Variants in GATA6 observed in about 807,000 individuals in gnomAD.
GATA6 encodes transcription factor GATA-6.
A neutral mutation model predicts 48.1 loss-of-function variants in GATA6; 11 were observed. The observed-to-expected ratio is 0.23, with a 90% CI of 0.14 to 0.38. The LOEUF (loss-of-function observed/expected upper bound fraction) is 0.38. GATA6 is among the 10% of genes least tolerant of loss of function. The pLI is 1.00. For missense variants in GATA6, 795 were observed against 850.3 expected, an observed-to-expected ratio of 0.93 and a Z score of 0.81; for synonymous variants, 419 against 396.1, an observed-to-expected ratio of 1.06 and a Z score of -0.69.
At position 22,201,097 on chromosome 18, in the gene GATA6, G is replaced by A; in HGVS notation, c.*274G>A. On this transcript the variant is annotated 3_prime_UTR_variant, in exon 7 of 7. Coordinates refer to ENST00000269216, the MANE Select transcript of GATA6 (RefSeq NM_005257.6). Reference sequence around the variant, plus strand: ...TTCCAGAAGCCAGGACTAGGACCTGGGCCTTGCCTGCTATGGAATATTGAG... The same window carrying A: ...TTCCAGAAGCCAGGACTAGGACCTGAGCCTTGCCTGCTATGGAATATTGAG... 1.9e-6 allele frequency: 1 copy of A among 521,066 alleles called. No individual in the cohort carries two copies. Among genetic ancestry groups the A allele is most frequent in the Non-Finnish European group, 3.4e-6 (1 of 291,630 alleles). The allele number at this position is 521,066 out of a possible 1,614,324, so 32.3% of individuals were successfully genotyped here.
chr18:22,194,547 G>T (rs2143330665), intron 6 of GATA6, among the ~76,000 whole-genome samples: 1 of 152,310 alleles, frequency 6.6e-6, no homozygotes, highest in African/African-American at 2.4e-5. Flanking sequence ...TGAAGTGCCT[G>T]CTTTTGCAGG....
chr18:22,199,763 T>G (rs1181501066), intron 6 of GATA6, among the ~76,000 whole-genome samples: 1 of 151,270 alleles, frequency 6.6e-6, no homozygotes, highest in Non-Finnish European at 1.5e-5. Context: ...ATTAGCCAGG[T>G]GTGGTGGTGC....
In GATA6 at chr18:22,172,010, G is replaced by A. The variant is rs2033058319; in HGVS notation, c.866G>A (p.Gly289Asp). 8.1e-7 allele frequency: 1 copy of A among 1,238,986 alleles called. No individual in the cohort carries two copies. Among genetic ancestry groups the A allele is most frequent in the African/African-American group, 1.6e-5 (1 of 64,234 alleles). The allele number at this position is 1,238,986 out of a possible 1,614,324, so 76.7% of individuals were successfully genotyped here. The change falls in exon 2 of 7, where the codon GGC becomes GAC. Residue 289 changes from glycine (G) to aspartate (D), a missense_variant. Physicochemically the swap from Gly to Asp is moderately conservative, Grantham distance 94. This residue lies in a region of GATA6 where 591 missense variants were observed against 570.0 expected (regional missense o/e 1.04). Coordinates refer to ENST00000269216, the MANE Select transcript of GATA6 (RefSeq NM_005257.6). The surrounding 1 kb of genome is among the most constrained non-coding windows in gnomAD (Gnocchi z 5.2). ...GGCTACGCGGCGGCGGGCAGTGGGGGCGCGGGAGGCGTGAGCGGCGGCGGC... is the reference window on the plus strand; with the variant it reads ...GGCTACGCGGCGGCGGGCAGTGGGGACGCGGGAGGCGTGAGCGGCGGCGGC... ...PGGYAAAGSGGAGGVSGGGSS... is the reference protein window; with the variant it reads ...PGGYAAAGSGDAGGVSGGGSS...
rs2033455266 is a variant in GATA6, at chr18:22,200,958, GT to G, written c.*140del. ...CTCGTGCCTTTATTTTGAAAGAGAT[GT>G]TTTTCCCAAGAGGCTTGCTGAAAGA... On this transcript the variant is annotated 3_prime_UTR_variant, in exon 7 of 7. Coordinates refer to ENST00000269216, the MANE Select transcript of GATA6 (RefSeq NM_005257.6). 2 of 1,039,090 alleles carry G rather than the reference GT, an allele frequency of 1.9e-6. No homozygotes were observed. Among genetic ancestry groups the G allele is most frequent in the Admixed American group, 4.8e-5 (2 of 41,814 alleles). 64.4% of individuals were successfully genotyped at this position (1,039,090 alleles called of 1,614,324 possible). A position where few individuals can be genotyped will look rare whatever the true frequency, so the allele number is the denominator to read the frequency against.
intron 2 of GATA6, among the ~76,000 whole-genome samples, chr18:22,175,086 G>C (rs2033103557): frequency 6.6e-6 from 1 of 152,056 alleles, no homozygotes; most frequent in Admixed American, 6.5e-5. Flanking sequence ...GTTGAAAAGG[G>C]GGAACTTGGT....
chr18:22,193,482 G>A (rs967810283), intron 6 of GATA6, among the ~76,000 whole-genome samples: 2 of 152,228 alleles, frequency 1.3e-5, no homozygotes, highest in South Asian at 4.1e-4. Flanking sequence ...AAGCACCACA[G>A]GAGTCTAACC....
At chr18:22,178,363 A>G (rs926442226) in intron 3 of GATA6, among the ~76,000 whole-genome samples, 4 of 152,186 alleles carry the variant, frequency 2.6e-5, no homozygotes, top group Non-Finnish European at 5.9e-5. Flanking sequence ...TACCGCTGTA[A>G]TAGAGAAAAT....
rs1439086409 is a variant in GATA6 at position 22,201,745 on chromosome 18, C to G, written c.*922C>G. 1 of 152,586 alleles carries G rather than the reference C, an allele frequency of 6.6e-6. No homozygotes were observed. The highest frequency in any genetic ancestry group is 6.5e-5 in the Admixed American group (1 of 15,276). 9.5% of individuals were successfully genotyped at this position (152,586 alleles called of 1,614,324 possible). ...ATTTTTATACAAGAACACCAATATA[C>G]CCCCTTTATTTTACTGTGGAATATG... On this transcript the variant is annotated 3_prime_UTR_variant, in exon 7 of 7. Transcript: ENST00000269216.
intron 6 of GATA6, among the ~76,000 whole-genome samples, chr18:22,189,843 C>A (rs933916336): frequency 6.6e-6 from 1 of 152,068 alleles, no homozygotes; most frequent in Non-Finnish European, 1.5e-5. Context: ...CTATCAGGTA[C>A]CTTTTATGTG....
At chr18:22,186,590 T>A (rs894131976) in intron 6 of GATA6, among the ~76,000 whole-genome samples, 1 of 152,120 alleles carries the variant, frequency 6.6e-6, no homozygotes, top group Non-Finnish European at 1.5e-5. Context: ...TGAGCTCTCT[T>A]GGCCAGGACG....
At position 22,192,397 on chromosome 18, in the gene GATA6, T is replaced by C. The variant is rs377311249; in HGVS notation, c.1621-8259T>C. Among the ~76,000 whole-genome samples the C allele has an allele frequency of 1.4e-4, 21 of 152,316 alleles. No homozygotes were observed. The East Asian group carries it at 4.0e-3, about 29-fold the overall frequency. On this transcript the variant is annotated intron_variant, in intron 6 of 6. Coordinates refer to ENST00000269216, the MANE Select transcript of GATA6 (RefSeq NM_005257.6). Reference sequence around the variant, plus strand: ...CGTGGCATTTTTTTTCATCCCAAGATATTAGAATAAGATCCTCACTTTCTT... The same window carrying C: ...CGTGGCATTTTTTTTCATCCCAAGACATTAGAATAAGATCCTCACTTTCTT...
rs529486891 is a variant in GATA6, at chr18:22,201,954, A to G, written c.*1131A>G. 6.6e-6 allele frequency: 1 copy of G among 152,240 alleles called. No individual in the cohort carries two copies. The highest frequency in any genetic ancestry group is 1.5e-5 in the Non-Finnish European group (1 of 68,038). The allele number at this position is 152,240 out of a possible 1,614,324, so 9.4% of individuals were successfully genotyped here. A position where few individuals can be genotyped will look rare whatever the true frequency, so the allele number is the denominator to read the frequency against. ...AACCTATTTCACCAGAGTTTTAAAA[A>G]TAAAAAGGGTATTGTTTTGTCTTCT... On this transcript the variant is annotated 3_prime_UTR_variant, in exon 7 of 7. Coordinates refer to ENST00000269216, the MANE Select transcript of GATA6 (RefSeq NM_005257.6).
intron 2 of GATA6, among the ~76,000 whole-genome samples, chr18:22,173,348 G>T (rs1285667487): frequency 6.6e-6 from 1 of 152,086 alleles, no homozygotes; most frequent in Non-Finnish European, 1.5e-5. Context: ...TTGTTTGAGG[G>T]GAGGTGTGGG....
chr18:22,171,657 C>T lies in GATA6; in HGVS notation c.513C>T (p.His171=), dbSNP rs761885207. The part of the protein sequence containing the change: ...AYDGAPGGFV[H]SAAAAAAAAA... ...ACGGCGCGCCCGGCGGCTTCGTGCA[C>T]TCTGCGGCCGCGGCGGCAGCAGCCG... Residue 171 remains histidine (H), a synonymous_variant, in exon 2 of 7, where the codon CAC becomes CAT. Transcript: ENST00000269216. The surrounding 1 kb of genome is among the most constrained non-coding windows in gnomAD (Gnocchi z 7.1). 1.3e-6 allele frequency: 2 copies of T among 1,552,330 alleles called. No homozygotes were observed. Among genetic ancestry groups the T allele is most frequent in the South Asian group, 1.2e-5 (1 of 85,434 alleles).
chr18:22,193,625 G>A (rs556151191), intron 6 of GATA6, among the ~76,000 whole-genome samples: 1 of 152,324 alleles, frequency 6.6e-6, no homozygotes, highest in Non-Finnish European at 1.5e-5. Context: ...GGAGCCGACA[G>A]TCTGCCTTGC....
At chr18:22,178,003 C>G (rs956401775) in intron 3 of GATA6, among the ~76,000 whole-genome samples, 1 of 130,464 alleles carries the variant, frequency 7.7e-6, no homozygotes, top group Non-Finnish European at 1.5e-5. Context: ...CTCTTGTTGC[C>G]CAGGCTGGAG....
At chr18:22,192,724 G>A (rs186312497) in intron 6 of GATA6, among the ~76,000 whole-genome samples, 1 of 152,298 alleles carries the variant, frequency 6.6e-6, no homozygotes, top group East Asian at 1.9e-4. Flanking sequence ...GATTAGAATA[G>A]TGTAATTCAT....
At position 22,200,932 on chromosome 18, in the gene GATA6, TCTCGTGC is replaced by T. The variant is rs2033455012; in HGVS notation, c.*112_*118del. 23 of 1,149,436 alleles carry T rather than the reference TCTCGTGC, an allele frequency of 2.0e-5. No homozygotes were observed. Among genetic ancestry groups the T allele is most frequent in the Non-Finnish European group, 2.7e-5 (22 of 815,944 alleles). 71.2% of individuals were successfully genotyped at this position (1,149,436 alleles called of 1,614,324 possible). A position where few individuals can be genotyped will look rare whatever the true frequency, so the allele number is the denominator to read the frequency against. Reference sequence around the variant, plus strand: ...GGCGACTGCGCTGACAGAACGTGATTCTCGTGCCTTTATTTTGAAAGAGATGTTTTTC... The same window carrying T: ...GGCGACTGCGCTGACAGAACGTGATTCTTTATTTTGAAAGAGATGTTTTTC... On this transcript the variant is annotated 3_prime_UTR_variant, in exon 7 of 7. Transcript: ENST00000269216.
chr18:22,171,773 G>C lies in GATA6; in HGVS notation c.629G>C (p.Ser210Thr), dbSNP rs2143276783. 5 of 1,365,224 alleles carry C rather than the reference G, an allele frequency of 3.7e-6. No homozygotes were observed. Among genetic ancestry groups the C allele is most frequent in the Non-Finnish European group, 4.7e-6 (5 of 1,069,462 alleles). 84.6% of individuals were successfully genotyped at this position (1,365,224 alleles called of 1,614,324 possible). A position where few individuals can be genotyped will look rare whatever the true frequency, so the allele number is the denominator to read the frequency against. Residue 210 changes from serine (S) to threonine (T), a missense_variant, in exon 2 of 7, where the codon AGT becomes ACT. By Grantham distance (58) the Ser-to-Thr change is moderately conservative. Coordinates refer to ENST00000269216, the MANE Select transcript of GATA6 (RefSeq NM_005257.6). This position sits in a 1 kb window ranked among gnomAD's most constrained non-coding sequence, Gnocchi z 7.1. The part of the protein sequence containing the change: ...GLPYHLQGSG[S>T]GPANHAGGAG... ...CCGTACCACCTGCAGGGGTCGGGCA[G>C]TGGGCCAGCCAACCACGCGGGCGGC...
Sources: allele counts gnomAD v4.1 joint callset (sites outside exome capture counted in the v4.1 genomes callset), GRCh38; gene constraint gnomAD v4.1.1; regional missense constraint gnomAD v4.1.1; non-coding constraint Gnocchi (gnomAD v3.1); transcripts MANE v1.5; gene names NCBI Gene and HGNC (gene_info 2026-07-23, HGNC 2026-07-21).